Variants in GSE1 observed in about 807,000 individuals in gnomAD.
The protein encoded by GSE1 is Gse1 coiled-coil protein, also known as genetic suppressor element 1.
Under a neutral mutation model 112.6 loss-of-function variants are expected in GSE1, and 32 were observed. The ratio of observed to expected loss-of-function variants is 0.28; its 90% CI spans 0.21 to 0.38. GSE1 has a LOEUF of 0.38. Ranked by LOEUF, GSE1 falls within the 10% of genes least tolerant of loss-of-function variation. The probability of loss-of-function intolerance (pLI) is 1.00; values close to 1 mark genes in which losing one functional copy is unlikely to be tolerated. For missense variants in GSE1, 2,348 were observed against 1,699.2 expected (o/e 1.38, Z -6.71); for synonymous variants, 1,115 against 735.6 (o/e 1.52, Z -8.35).
intron 1 of GSE1, among the ~76,000 whole-genome samples, chr16:85,322,987 G>A (rs866852866): frequency 3.9e-5 from 6 of 152,152 alleles, no homozygotes; most frequent in South Asian, 2.1e-4. Context: ...GTGACCCTGC[G>A]GGGACTAGAT....
chr16:85,666,037 G>C lies in GSE1; in HGVS notation c.2820G>C (p.Leu940Phe), dbSNP rs1243670425. 1.2e-6 allele frequency: 2 copies of C among 1,613,668 alleles called. No individual in the cohort carries two copies. The highest frequency in any genetic ancestry group is 1.1e-5 in the South Asian group (1 of 91,086). ...VEKPVGVAAS[L>F]SDIPKAAEPG... is the part of the protein sequence containing the mutation. ...AGCCGGTTGGTGTTGCTGCTTCCTT[G>C]TCTGACATCCCAAAGGCCGCGGAGC... The change falls in exon 13 of 16, where the codon TTG (leucine) becomes TTC (phenylalanine). Residue 940 changes from leucine to phenylalanine, a missense_variant. By Grantham distance (22) the Leu-to-Phe change is conservative (BLOSUM62 0). Coordinates refer to ENST00000253458, the MANE Select transcript of GSE1 (RefSeq NM_014615.5).
intron 1 of GSE1, among the ~76,000 whole-genome samples, chr16:85,189,035 C>A (rs990940179): frequency 2.0e-5 from 3 of 152,196 alleles, no homozygotes; most frequent in Non-Finnish European, 4.4e-5. Flanking sequence ...CATTTCCCTG[C>A]ACACGCTCCA....
chr16:85,498,112 G>C (rs183826295), intron 2 of GSE1, among the ~76,000 whole-genome samples: 1 of 152,122 alleles, frequency 6.6e-6, no homozygotes, highest in East Asian at 1.9e-4. Flanking sequence ...CGTGCTGGCT[G>C]ATGAAGGAGA....
chr16:85,314,640 CTG>C (rs1567682646), intron 1 of GSE1, among the ~76,000 whole-genome samples: 1 of 152,216 alleles, frequency 6.6e-6, no homozygotes, highest in African/African-American at 2.4e-5. Context: ...TCCTGAACAC[CTG>C]CTCCCCTGGC....
At chr16:85,349,693 G>A (rs1158193820) in intron 1 of GSE1, among the ~76,000 whole-genome samples, 2 of 152,116 alleles carry the variant, frequency 1.3e-5, no homozygotes, top group East Asian at 3.9e-4. Flanking sequence ...TCCTCGGGGC[G>A]AAGAGGAGGC....
At chr16:85,662,736 C>A in intron 9 of GSE1, 1 of 514,894 alleles carries the variant, frequency 1.9e-6, no homozygotes, top group Non-Finnish European at 3.5e-6. Context: ...TCTTGTCAGC[C>A]CAGGGGACCA....
At chr16:85,644,040 G>A (rs1199136819) in intron 2 of GSE1, among the ~76,000 whole-genome samples, 2 of 152,302 alleles carry the variant, frequency 1.3e-5, no homozygotes, top group African/African-American at 2.4e-5. Context: ...ATGAAGTAGG[G>A]TGGTGGGGCA....
rs147076388 is a variant in GSE1, at chr16:85,570,675, T to C, written c.37+14312T>C. ...GAACGCAAATAGCCCGCAACCAACT[T>C]TGTTCTCCTTGCCCTGGTTTGGAAA... On this transcript the variant is annotated intron_variant, in intron 1 of 2. Transcript: ENST00000635906. Among the ~76,000 whole-genome samples the C allele has an allele frequency of 3.9e-3, 601 of 152,198 alleles. 3 individuals are homozygous for C. Among genetic ancestry groups the C allele is most frequent in the African/African-American group, 0.013 (535 of 41,530 alleles).
chr16:85,624,579 C>T (rs368011379), intron 1 of GSE1, among the ~76,000 whole-genome samples: 11 of 152,346 alleles, frequency 7.2e-5, no homozygotes, highest in East Asian at 5.8e-4. Context: ...CCAATCTCTT[C>T]GCACATTAAA....
chr16:85,639,263 G>A (rs2050248573), intron 2 of GSE1, among the ~76,000 whole-genome samples: 1 of 152,352 alleles, frequency 6.6e-6, no homozygotes, highest in South Asian at 2.1e-4. Context: ...CTCCTCGGGT[G>A]GCACCGGGTC....
intron 2 of GSE1, among the ~76,000 whole-genome samples, chr16:85,523,143 G>C (rs2052245864): frequency 6.6e-6 from 1 of 151,020 alleles, no homozygotes; most frequent in South Asian, 2.1e-4. Context: ...GTGTGTGGCT[G>C]TGAGACCTGT....
Position 85,342,518 on chromosome 16 carries a change from C to T in GSE1, c.2284-14945C>T, listed in dbSNP as rs528990837. Among the ~76,000 whole-genome samples, 6 of 152,230 alleles carry T rather than the reference C, an allele frequency of 3.9e-5. No individual in the cohort carries two copies. The South Asian group carries it at 8.3e-4, about 21-fold the overall frequency. On this transcript the variant is annotated intron_variant, in intron 1 of 2. Transcript: ENST00000637419. The stretch of plus-strand genomic sequence containing the variant: ...TTGAGCTGAGAGCTCAGGGCGTGGG[C>T]CTCGGCAGCCCCACCAGCCCCCACT...
At chr16:85,555,783 T>A, upstream of GSE1, 1 of 975,760 alleles carries the variant, frequency 1.0e-6, no homozygotes. Context: ...GAGAGATTGC[T>A]ACTCGCACGT....
chr16:85,665,593 C>G (rs922987887), intron 12 of GSE1, among the ~76,000 whole-genome samples: 1 of 125,498 alleles, frequency 8.0e-6, no homozygotes, highest in Admixed American at 7.8e-5. Context: ...CTTTCCTCCT[C>G]TTACAGTTCT....
intron 1 of GSE1, among the ~76,000 whole-genome samples, chr16:85,616,974 C>G (rs1262441874): frequency 6.6e-6 from 1 of 152,224 alleles, no homozygotes; most frequent in Non-Finnish European, 1.5e-5. Flanking sequence ...GCCTTTTAAT[C>G]TTGCTTCTGC....
chr16:85,652,967 G>A (rs1270087117), intron 3 of GSE1, among the ~76,000 whole-genome samples: 2 of 151,692 alleles, frequency 1.3e-5, no homozygotes, highest in African/African-American at 2.4e-5. Flanking sequence ...AGGAAGGGCC[G>A]GGTTCCCGTG....
chr16:85,607,142 C>G (rs1030571970), upstream of GSE1, among the ~76,000 whole-genome samples: 2 of 151,890 alleles, frequency 1.3e-5, no homozygotes, highest in African/African-American at 4.8e-5. Context: ...AGCTCTGGAG[C>G]TGGAAGCTGC....
At chr16:85,450,039 C>T (rs2049629834) in intron 2 of GSE1, among the ~76,000 whole-genome samples, 1 of 152,042 alleles carries the variant, frequency 6.6e-6, no homozygotes, top group Admixed American at 6.5e-5. Flanking sequence ...CACACAGCTG[C>T]ACCCAGCTGT....
chr16:85,304,454 C>G (rs1163516816), intron 1 of GSE1, among the ~76,000 whole-genome samples: 2 of 152,216 alleles, frequency 1.3e-5, no homozygotes, highest in African/African-American at 4.8e-5. Flanking sequence ...GGCAGGGTAG[C>G]CCGCCCGCCA....
Sources: allele counts gnomAD v4.1 joint callset (sites outside exome capture counted in the v4.1 genomes callset), GRCh38; gene constraint gnomAD v4.1.1; transcripts MANE v1.5; gene names NCBI Gene and HGNC (gene_info 2026-07-23, HGNC 2026-07-21).